The following DOK6 variants were observed in gnomAD, a reference collection of about 807,000 sequenced individuals.
DOK6 encodes downstream of tyrosine kinase 6.
Under a neutral mutation model 44.0 loss-of-function variants are expected in DOK6, and 22 were observed. That is an observed-to-expected ratio of 0.50 (90% CI 0.36 to 0.71). The LOEUF is 0.71. Ranked by LOEUF, DOK6 falls within the 30% of genes least tolerant of loss-of-function variation. DOK6 has a pLI of 0.00. For synonymous variants in DOK6, 166 were observed against 145.5 expected, an observed-to-expected ratio of 1.14 and a Z score of -1.01; for missense variants, 340 against 416.4, an observed-to-expected ratio of 0.82 and a Z score of 1.60.
intron 6 of DOK6, among the ~76,000 whole-genome samples, chr18:69,739,636 A>C (rs1270617891): frequency 6.6e-6 from 1 of 152,216 alleles, no homozygotes; most frequent in Non-Finnish European, 1.5e-5. Flanking sequence ...CAGTTTTAGG[A>C]TCAAGCTAAA....
At chr18:69,577,388 G>T (rs1399092163) in intron 2 of DOK6, among the ~76,000 whole-genome samples, 1 of 152,074 alleles carries the variant, frequency 6.6e-6, no homozygotes, top group African/African-American at 2.4e-5. Flanking sequence ...AAGTGATCAT[G>T]ATTTGTTTAG....
intron 1 of DOK6, among the ~76,000 whole-genome samples, chr18:69,519,060 G>A (rs182407728): frequency 3.3e-5 from 5 of 152,130 alleles, no homozygotes; most frequent in Admixed American, 3.3e-4. Context: ...ACAGCATATT[G>A]TAGTTGGCTT....
intron 6 of DOK6, among the ~76,000 whole-genome samples, chr18:69,753,747 G>A (rs565044252): frequency 7.9e-5 from 12 of 152,040 alleles, no homozygotes; most frequent in African/African-American, 1.9e-4. Context: ...GAGAAGCATC[G>A]CCTACAGGAA....
At chr18:69,736,367 A>T (rs1978607710) in intron 5 of DOK6, among the ~76,000 whole-genome samples, 1 of 152,170 alleles carries the variant, frequency 6.6e-6, no homozygotes, top group Non-Finnish European at 1.5e-5. Flanking sequence ...AGTTCTGTTT[A>T]CCTCTTAGAA....
Position 69,545,874 on chromosome 18 carries a change from T to G in DOK6, c.67-18613T>G, listed in dbSNP as rs556367511. Reference sequence around the variant, plus strand: ...GTACATTCTCTTATAAAAATGAGCTTATGCTCTAAAAGAAACTAAACCTAG... The same window carrying G: ...GTACATTCTCTTATAAAAATGAGCTGATGCTCTAAAAGAAACTAAACCTAG... On this transcript the variant is annotated intron_variant, in intron 1 of 7. Coordinates refer to ENST00000382713, the MANE Select transcript of DOK6 (RefSeq NM_152721.6). Among the ~76,000 whole-genome samples, 54 of 151,666 alleles carry G rather than the reference T, an allele frequency of 3.6e-4. 2 individuals are homozygous for G. Among genetic ancestry groups the G allele is most frequent in the Admixed American group, 1.7e-3 (26 of 15,204 alleles).
intron 5 of DOK6, among the ~76,000 whole-genome samples, chr18:69,711,032 C>T (rs1412462925): frequency 6.6e-6 from 1 of 152,190 alleles, no homozygotes. Context: ...GCTAGGTCTA[C>T]AGTTCCAGAG....
rs898697669 is a variant in DOK6, at chr18:69,510,296, A to G, written c.67-54191A>G. 1.3e-5 allele frequency among the ~76,000 whole-genome samples: 2 copies of G among 152,200 alleles called. 1 individual carries two copies. Among genetic ancestry groups the G allele is most frequent in the African/African-American group, 4.8e-5 (2 of 41,456 alleles). On this transcript the variant is annotated intron_variant, in intron 1 of 7. Transcript: ENST00000382713. The stretch of plus-strand genomic sequence containing the variant: ...TTTGGTGCTATTGGAATCATACAAT[A>G]TTGCTTTTAGTTAATATTAACCATT...
chr18:69,777,055 A>G (rs946544053), intron 7 of DOK6, among the ~76,000 whole-genome samples: 9 of 151,426 alleles, frequency 5.9e-5, no homozygotes, highest in South Asian at 2.1e-4. Flanking sequence ...TGACGAGTTA[A>G]TGGGTGCAGC....
At chr18:69,617,700 G>A (rs1028591183) in intron 3 of DOK6, among the ~76,000 whole-genome samples, 1 of 37,976 alleles carries the variant, frequency 2.6e-5, no homozygotes, top group African/African-American at 5.9e-5. Context: ...AGAAAAGACG[G>A]AAAGAGAAAA....
chr18:69,445,919 C>G (rs922425551), intron 1 of DOK6, among the ~76,000 whole-genome samples: 12 of 152,034 alleles, frequency 7.9e-5, no homozygotes, highest in African/African-American at 2.7e-4. Flanking sequence ...CTTCTATATT[C>G]CTTATTTATA....
intron 2 of DOK6, among the ~76,000 whole-genome samples, chr18:69,592,437 T>G (rs1198984919): frequency 6.6e-6 from 1 of 152,078 alleles, no homozygotes; most frequent in African/African-American, 2.4e-5. Flanking sequence ...AACAAGATCA[T>G]GTGTTTCATC....
At chr18:69,506,150 A>G (rs1047610793) in intron 1 of DOK6, among the ~76,000 whole-genome samples, 1 of 152,140 alleles carries the variant, frequency 6.6e-6, no homozygotes, top group African/African-American at 2.4e-5. Flanking sequence ...TCTCCAATTT[A>G]TCTTCTAATG....
intron 1 of DOK6, among the ~76,000 whole-genome samples, chr18:69,466,612 T>C (rs34492743): frequency 0.043 from 6,529 of 152,112 alleles, 201 homozygotes; most frequent in Non-Finnish European, 0.068. Context: ...AAACTTACTA[T>C]AAAATTTTAC....
chr18:69,602,729 T>C (rs1599215870), intron 3 of DOK6, among the ~76,000 whole-genome samples: 2 of 151,998 alleles, frequency 1.3e-5, no homozygotes, highest in African/African-American at 4.8e-5. Flanking sequence ...CAAAATGAGA[T>C]TTTTTTGTTT....
At chr18:69,733,978 G>A (rs188021930) in intron 5 of DOK6, among the ~76,000 whole-genome samples, 20 of 152,002 alleles carry the variant, frequency 1.3e-4, no homozygotes, top group East Asian at 5.8e-4. Context: ...TATTTTCACC[G>A]GCAAATTCAT....
intron 7 of DOK6, among the ~76,000 whole-genome samples, chr18:69,815,280 G>A (rs909676556): frequency 5.9e-5 from 9 of 152,170 alleles, no homozygotes; most frequent in African/African-American, 1.9e-4. Context: ...GACATAGAAG[G>A]AAGGGAGGGC....
chr18:69,768,295 G>C (rs1189070016), intron 7 of DOK6, among the ~76,000 whole-genome samples: 3 of 151,950 alleles, frequency 2.0e-5, no homozygotes, highest in African/African-American at 7.2e-5. Context: ...ATGCTCAACT[G>C]TCTTTGTCAT....
In DOK6 at chr18:69,744,473, G is replaced by A. The variant is rs577369455; in HGVS notation, c.738+5370G>A. Among the ~76,000 whole-genome samples the A allele has an allele frequency of 4.6e-5, 7 of 151,820 alleles. No individual in the cohort carries two copies. The South Asian group carries it at 1.5e-3, about 31-fold the overall frequency. ...GATTTTTTTTCTTTTTTTACTGATA[G>A]TCATGGATTGCGATGAAACAACACA... On this transcript the variant is annotated intron_variant, in intron 6 of 7. Coordinates refer to ENST00000382713, the MANE Select transcript of DOK6 (RefSeq NM_152721.6).
At chr18:69,737,295 G>A (rs1460124433) in intron 5 of DOK6, among the ~76,000 whole-genome samples, 3 of 152,146 alleles carry the variant, frequency 2.0e-5, no homozygotes, top group African/African-American at 7.2e-5. Flanking sequence ...ACGGAAGCAG[G>A]GACCTTCTTC....
Sources: gnomAD v4.1 joint callset for allele counts (sites outside exome capture counted in the v4.1 genomes callset) on GRCh38, gnomAD v4.1.1 for gene constraint, MANE v1.5 for transcripts, NCBI Gene and HGNC (gene_info 2026-07-23, HGNC 2026-07-21) for gene names.